Variants in PTPRJ observed in about 807,000 individuals in gnomAD.
PTPRJ encodes protein tyrosine phosphatase receptor type J.
In PTPRJ, 129 loss-of-function variants were observed where a neutral mutation model predicts 141.3. That is an observed-to-expected ratio of 0.91 (90% CI 0.79 to 1.06). The LOEUF (loss-of-function observed/expected upper bound fraction) is 1.06. Among genes scored for constraint, PTPRJ ranks in the 50% least tolerant of loss-of-function variants. The pLI is 0.00. For synonymous variants in PTPRJ, 610 were observed against 640.5 expected (o/e 0.95, Z 0.72); for missense variants, 1,601 against 1,679.7 (o/e 0.95, Z 0.82).
At chr11:48,106,811 C>T (rs1590509929) in intron 1 of PTPRJ, among the ~76,000 whole-genome samples, 1 of 136,490 alleles carries the variant, frequency 7.3e-6, no homozygotes, top group African/African-American at 2.7e-5. Context: ...CTCTGTTGCC[C>T]AGGCTGGAGT....
chr11:48,047,519 T>G (rs1045875964), intron 1 of PTPRJ, among the ~76,000 whole-genome samples: 1 of 151,924 alleles, frequency 6.6e-6, no homozygotes, highest in African/African-American at 2.4e-5. Flanking sequence ...TTTTCTTTTT[T>G]TTGAGACAGG....
intron 1 of PTPRJ, among the ~76,000 whole-genome samples, chr11:48,068,972 C>A (rs140826681): frequency 6.6e-6 from 1 of 152,214 alleles, no homozygotes; most frequent in South Asian, 2.1e-4. Flanking sequence ...CATTCCAAAT[C>A]TGCCCCAGGG....
chr11:48,156,302 C>T (rs771041429), intron 21 of PTPRJ, among the ~76,000 whole-genome samples, 183 bp downstream of exon 21: 1 of 152,062 alleles, frequency 6.6e-6, no homozygotes, highest in Non-Finnish European at 1.5e-5. Flanking sequence ...ATTCTTTAAA[C>T]AATTCTATTT....
intron 1 of PTPRJ, among the ~76,000 whole-genome samples, chr11:48,065,159 C>T (rs1855051989): frequency 6.6e-6 from 1 of 151,766 alleles, no homozygotes; most frequent in Non-Finnish European, 1.5e-5. Context: ...GGACTACAGG[C>T]ATGCACCACC....
At chr11:48,073,308 C>T (rs139167950) in intron 1 of PTPRJ, among the ~76,000 whole-genome samples, 187 of 152,338 alleles carry the variant, frequency 1.2e-3, no homozygotes, top group African/African-American at 4.3e-3. Flanking sequence ...ACATGAGGTC[C>T]AGCTTCTCCT....
chr11:47,988,741 C>T lies in PTPRJ; in HGVS notation c.96+7733C>T, dbSNP rs1286668250. On this transcript the variant is annotated intron_variant, in intron 1 of 24. Transcript: ENST00000418331. ...CATTTAAAAGTGTGATTGCTGTTGTCAGGTTGTCCTCCAAAAGTGTCCCCT... is the reference window on the plus strand; with the variant it reads ...CATTTAAAAGTGTGATTGCTGTTGTTAGGTTGTCCTCCAAAAGTGTCCCCT... 2.0e-5 allele frequency among the ~76,000 whole-genome samples: 3 copies of T among 152,040 alleles called. No individual in the cohort carries two copies. In the East Asian group the frequency reaches 5.8e-4, roughly 29 times the overall value.
At chr11:48,051,647 TA>T (rs1365695588) in intron 1 of PTPRJ, among the ~76,000 whole-genome samples, 7 of 152,246 alleles carry the variant, frequency 4.6e-5, no homozygotes, top group South Asian at 2.1e-4. Flanking sequence ...GGGCATTGCA[TA>T]ACTGGCTTCC....
intron 1 of PTPRJ, among the ~76,000 whole-genome samples, chr11:48,066,476 A>C (rs1381921653): frequency 6.6e-6 from 1 of 151,990 alleles, no homozygotes; most frequent in East Asian, 1.9e-4. Context: ...GCCTGAGTCG[A>C]ATCCAGATCT....
chr11:47,999,154 G>T (rs1364064807), intron 1 of PTPRJ, among the ~76,000 whole-genome samples: 1 of 152,204 alleles, frequency 6.6e-6, no homozygotes. Flanking sequence ...AGATCACTTG[G>T]GATGTCCTGG....
intron 1 of PTPRJ, among the ~76,000 whole-genome samples, chr11:48,091,218 T>A (rs961816994): frequency 6.6e-6 from 1 of 152,158 alleles, no homozygotes; most frequent in South Asian, 2.1e-4. Context: ...ATTCCCTTCC[T>A]ATGTTTGCAT....
At chr11:48,134,579 G>A (rs7121133) in intron 8 of PTPRJ, among the ~76,000 whole-genome samples, 70,621 of 152,026 alleles carry the variant, frequency 0.46, 19,667 homozygotes, top group Admixed American at 0.59. Context: ...CGTAAACATG[G>A]CACAATTTTT....
At chr11:48,123,922 A>G in intron 5 of PTPRJ, 52 bp downstream of exon 5, 8 of 1,535,160 alleles carry the variant, frequency 5.2e-6, no homozygotes, top group Non-Finnish European at 6.2e-6. Context: ...TACTTTCAGT[A>G]ACTAAATGTT....
chr11:48,062,374 G>A (rs943240092), intron 1 of PTPRJ, among the ~76,000 whole-genome samples: 14 of 151,848 alleles, frequency 9.2e-5, no homozygotes, highest in African/African-American at 1.9e-4. Context: ...TTAGCTGGGC[G>A]TAGTGGCGGG....
rs769988475 is a variant in PTPRJ at position 48,137,042 on chromosome 11, C to T, written c.1913C>T (p.Thr638Ile). The T allele has an allele frequency of 1.2e-6, 2 of 1,605,940 alleles. No individual in the cohort carries two copies. The highest frequency in any genetic ancestry group is 1.1e-5 in the South Asian group (1 of 90,922). ...NVSNIDVSTN[T>I]TAATLSWQNF... ...TCCAACATTGATGTAAGTACCAACA[C>T]CACAGCAGCAACTTTAAGTTGGCAG... Residue 638 changes from threonine to isoleucine, a missense_variant, in exon 10 of 25, where the codon ACC (threonine) becomes ATC (isoleucine). By Grantham distance (89) the Thr-to-Ile change is moderately conservative. Coordinates refer to ENST00000418331, the MANE Select transcript of PTPRJ (RefSeq NM_002843.4).
At chr11:48,073,349 G>A (rs1046184856) in intron 1 of PTPRJ, among the ~76,000 whole-genome samples, 2 of 152,184 alleles carry the variant, frequency 1.3e-5, no homozygotes, top group Non-Finnish European at 2.9e-5. Context: ...TGCTGTGATG[G>A]TGACCTTGTT....
chr11:48,012,652 G>T (rs1366043296), intron 1 of PTPRJ, among the ~76,000 whole-genome samples: 1 of 152,262 alleles, frequency 6.6e-6, no homozygotes, highest in Admixed American at 6.5e-5. Flanking sequence ...GAGTCCTCCA[G>T]GGTGAGCCCC....
intron 14 of PTPRJ, among the ~76,000 whole-genome samples, chr11:48,146,554 A>G (rs1195724149): frequency 6.6e-6 from 1 of 152,176 alleles, no homozygotes; most frequent in Non-Finnish European, 1.5e-5. Context: ...GTGGCAGGAA[A>G]AATATCTGAA....
intron 12 of PTPRJ, among the ~76,000 whole-genome samples, chr11:48,143,824 C>CCCCCT (rs1234777921): frequency 7.9e-6 from 1 of 125,830 alleles, no homozygotes; most frequent in African/African-American, 2.9e-5. Flanking sequence ...CCCTTCTCCT[C>CCCCCT]CCCCTCCCCT....
chr11:48,000,923 T>C (rs1478126509), intron 1 of PTPRJ, among the ~76,000 whole-genome samples: 1 of 151,486 alleles, frequency 6.6e-6, no homozygotes, highest in African/African-American at 2.4e-5. Context: ...CACCCTGACA[T>C]GGAGCTGGTA....
Sources: gnomAD v4.1 joint callset for allele counts (sites outside exome capture counted in the v4.1 genomes callset) on GRCh38, gnomAD v4.1.1 for gene constraint, MANE v1.5 for transcripts, NCBI Gene and HGNC (gene_info 2026-07-23, HGNC 2026-07-21) for gene names.